MAP3K8: variants seen among roughly 807,000 people sequenced by gnomAD.
MAP3K8 encodes mitogen-activated protein kinase kinase kinase 8.
MAP3K8 carries 22 observed loss-of-function variants against 45.8 expected under a neutral mutation model. The observed-to-expected ratio is 0.48, with a 90% CI of 0.34 to 0.69. The LOEUF (loss-of-function observed/expected upper bound fraction) is 0.69. MAP3K8 is among the 30% of genes least tolerant of loss of function. The pLI is 0.01. For missense variants in MAP3K8, 419 were observed against 585.0 expected, an observed-to-expected ratio of 0.72 and a Z score of 2.93; for synonymous variants, 223 against 214.3, an observed-to-expected ratio of 1.04 and a Z score of -0.36.
Position 30,451,492 on chromosome 10 carries a change from T to C in MAP3K8, c.767-146T>C. On this transcript the variant is annotated intron_variant, in intron 5 of 8. Transcript: ENST00000263056. ...ACCTCAACTCTGAATTTCATTCTCC[T>C]CTTTTGAATATAATACAACCATCTC... 3 of 466,744 alleles carry C rather than the reference T, an allele frequency of 6.4e-6. No homozygotes were observed. In the South Asian group the frequency reaches 1.3e-4, roughly 20 times the overall value. The allele number at this position is 466,744 out of a possible 1,614,324, so 28.9% of individuals were successfully genotyped here. A position where few individuals can be genotyped will look rare whatever the true frequency, so the allele number is the denominator to read the frequency against.
At chr10:30,447,636 C>T in intron 3 of MAP3K8, 146 bp from the exon 4 acceptor site, 1 of 693,914 alleles carries the variant, frequency 1.4e-6, no homozygotes. Flanking sequence ...AGTCTCTGTA[C>T]AGTTGGTAGG....
At chr10:30,442,793 A>G (rs774505275) in intron 3 of MAP3K8, among the ~76,000 whole-genome samples, 4 of 152,124 alleles carry the variant, frequency 2.6e-5, no homozygotes, top group Non-Finnish European at 5.9e-5. Flanking sequence ...CTTTATATCT[A>G]TAAGTGTGAG....
chr10:30,445,879 G>C (rs1836310286), intron 3 of MAP3K8, among the ~76,000 whole-genome samples: 1 of 152,222 alleles, frequency 6.6e-6, no homozygotes, highest in Admixed American at 6.5e-5. Flanking sequence ...GGGATGTGTA[G>C]CTAAAATTAG....
Position 30,451,893 on chromosome 10 carries a change from A to C in MAP3K8, c.873+149A>C, listed in dbSNP as rs147968531. On this transcript the variant is annotated intron_variant, in intron 6 of 8. Transcript: ENST00000263056. ...TTTCCTTGGAACACATTTAATGAGC[A>C]CTTGCTCTGTGTCAAGTACTAAGTT... 12 of 493,304 alleles carry C rather than the reference A, an allele frequency of 2.4e-5. 1 individual carries two copies. The highest frequency in any genetic ancestry group is 2.1e-4 in the African/African-American group (11 of 52,004). The allele number at this position is 493,304 out of a possible 1,614,324, so 30.6% of individuals were successfully genotyped here.
chr10:30,452,479 A>G (rs920407598), intron 6 of MAP3K8, among the ~76,000 whole-genome samples: 3 of 151,706 alleles, frequency 2.0e-5, no homozygotes, highest in Non-Finnish European at 2.9e-5. Flanking sequence ...CAAAAAAAAA[A>G]AAAATTAGCT....
intron 6 of MAP3K8, among the ~76,000 whole-genome samples, chr10:30,453,138 A>G (rs761808809): frequency 6.6e-6 from 1 of 152,214 alleles, no homozygotes; most frequent in Non-Finnish European, 1.5e-5. Flanking sequence ...AGATTAAAAT[A>G]AAGTGTCCAG....
chr10:30,456,167 C>A (rs1391327313), intron 6 of MAP3K8, among the ~76,000 whole-genome samples: 1 of 152,168 alleles, frequency 6.6e-6, no homozygotes, highest in Admixed American at 6.5e-5. Flanking sequence ...GTTAATAATA[C>A]CCATTGCATT....
At chr10:30,438,597 A>C (rs1433715234) in intron 2 of MAP3K8, among the ~76,000 whole-genome samples, 1 of 152,202 alleles carries the variant, frequency 6.6e-6, no homozygotes, top group African/African-American at 2.4e-5. Context: ...AAGATTTCTG[A>C]GCTGCTCTTG....
chr10:30,438,962 T>G lies in MAP3K8; in HGVS notation c.24T>G (p.Ser8Arg), dbSNP rs1836003105. Reference sequence around the variant, plus strand: ...TAATGGAGTACATGAGCACTGGAAGTGACAATAAAGAAGAGATTGATTTAT... The same window carrying G: ...TAATGGAGTACATGAGCACTGGAAGGGACAATAAAGAAGAGATTGATTTAT... MEYMSTG[S>R]DNKEEIDLLI... The change falls in exon 3 of 9, where the codon AGT becomes AGG. Residue 8 changes from serine (S) to arginine (R), a missense_variant. Around this residue, in one of 3 missense-constraint regions of MAP3K8, gnomAD observed 102 missense variants for 93.5 expected, o/e 1.09. Transcript: ENST00000263056. The G allele has an allele frequency of 1.2e-6, 2 of 1,609,886 alleles. No individual in the cohort carries two copies. The highest frequency in any genetic ancestry group is 2.7e-5 in the African/African-American group (2 of 74,914).
intron 2 of MAP3K8, among the ~76,000 whole-genome samples, chr10:30,437,908 C>A (rs1835965458): frequency 6.6e-6 from 1 of 152,214 alleles, no homozygotes; most frequent in Non-Finnish European, 1.5e-5. Flanking sequence ...TCTCTTAGAT[C>A]TCTTAGGGCC....
chr10:30,452,982 A>G (rs1490900909), intron 6 of MAP3K8, among the ~76,000 whole-genome samples: 1 of 152,126 alleles, frequency 6.6e-6, no homozygotes, highest in South Asian at 2.1e-4. Context: ...TCTGGCCCAC[A>G]GTTCAGCTTT....
In MAP3K8 at chr10:30,438,979, T is replaced by C; in HGVS notation, c.41T>C (p.Ile14Thr). 2 of 1,611,960 alleles carry C rather than the reference T, an allele frequency of 1.2e-6. No homozygotes were observed. The highest frequency in any genetic ancestry group is 1.7e-6 in the Non-Finnish European group (2 of 1,178,220). Residue 14 changes from isoleucine to threonine, a missense_variant, in exon 3 of 9, where the codon ATT becomes ACT. Physicochemically the swap from Ile to Thr is moderately conservative, Grantham distance 89. Around this residue, in one of 3 missense-constraint regions of MAP3K8, gnomAD observed 102 missense variants for 93.5 expected, o/e 1.09. Transcript: ENST00000263056. ...MSTGSDNKEE[I>T]DLLIKHLNVS... Reference sequence around the variant, plus strand: ...ACTGGAAGTGACAATAAAGAAGAGATTGATTTATTAATTAAACATTTAAAT... The same window carrying C: ...ACTGGAAGTGACAATAAAGAAGAGACTGATTTATTAATTAAACATTTAAAT...
chr10:30,450,091 G>A (rs558455711), intron 4 of MAP3K8, among the ~76,000 whole-genome samples, 167 bp from the exon 5 acceptor site: 1 of 152,248 alleles, frequency 6.6e-6, no homozygotes, highest in South Asian at 2.1e-4. Flanking sequence ...ATAGTTAAAG[G>A]CAGATCTGAG....
intron 6 of MAP3K8, among the ~76,000 whole-genome samples, chr10:30,452,687 G>T (rs1836592336): frequency 6.6e-6 from 1 of 151,656 alleles, no homozygotes; most frequent in South Asian, 2.1e-4. Context: ...GTGTGTTTTT[G>T]TTTTTGTTTT....
At chr10:30,439,527 T>C (rs369572329) in intron 3 of MAP3K8, 2 of 881,868 alleles carry the variant, frequency 2.3e-6, no homozygotes, top group African/African-American at 3.3e-5. Context: ...GAATGTATTT[T>C]GGCCGGGTGC....
chr10:30,438,497 G>A (rs1408399833), intron 2 of MAP3K8, among the ~76,000 whole-genome samples: 2 of 152,218 alleles, frequency 1.3e-5, no homozygotes, highest in Non-Finnish European at 2.9e-5. Context: ...AAAAGCCATA[G>A]CGATTCTTGC....
intron 6 of MAP3K8, 56 bp downstream of exon 6, chr10:30,451,800 A>G: frequency 2.1e-6 from 2 of 955,992 alleles, no homozygotes; most frequent in African/African-American, 1.7e-5. Context: ...AAAGGAAAAA[A>G]TGTTCTAGAA....
At chr10:30,441,426 G>T (rs1171580979) in intron 3 of MAP3K8, among the ~76,000 whole-genome samples, 4 of 151,970 alleles carry the variant, frequency 2.6e-5, no homozygotes, top group Non-Finnish European at 5.9e-5. Flanking sequence ...CAAAGTGTGG[G>T]GATTATAGGC....
chr10:30,453,645 G>A (rs1261872447), intron 6 of MAP3K8, among the ~76,000 whole-genome samples: 1 of 152,136 alleles, frequency 6.6e-6, no homozygotes, highest in East Asian at 1.9e-4. Flanking sequence ...ATGACACAAG[G>A]CAGTGAGGAG....
Sources: gnomAD v4.1 joint callset for allele counts (sites outside exome capture counted in the v4.1 genomes callset) on GRCh38, gnomAD v4.1.1 for gene constraint, gnomAD v4.1.1 regional missense constraint, MANE v1.5 for transcripts, NCBI Gene and HGNC (gene_info 2026-07-23, HGNC 2026-07-21) for gene names.